SIK2: variants seen among roughly 807,000 people sequenced by gnomAD.
SIK2 encodes the protein serine/threonine-protein kinase SIK2.
In SIK2, 29 loss-of-function variants were observed where a neutral mutation model predicts 103.2. The observed-to-expected ratio is 0.28, with a 90% CI of 0.21 to 0.38. The LOEUF is 0.38. SIK2 is among the 10% of genes least tolerant of loss of function. SIK2 has a pLI of 1.00. For missense variants in SIK2, 879 were observed against 1,171.0 expected, an observed-to-expected ratio of 0.75 and a Z score of 3.64; for synonymous variants, 412 against 446.1, an observed-to-expected ratio of 0.92 and a Z score of 0.96.
At position 111,729,611 on chromosome 11, in the gene SIK2, T is replaced by G. The variant is rs369880592; in HGVS notation, c.*5482T>G. The G allele has an allele frequency of 2.3e-4, 35 of 152,420 alleles. No homozygotes were observed. In the East Asian group the frequency reaches 5.8e-3, roughly 25 times the overall value. 9.4% of individuals were successfully genotyped at this position (152,420 alleles called of 1,614,324 possible). On this transcript the variant is annotated 3_prime_UTR_variant, in exon 15 of 15. Transcript: ENST00000304987. ...GCTTCTAGTGCTGGAAGAAGCCCTC[T>G]CTTTCCCTTCTCTTTCCTCAGTAGC...
At chr11:111,670,687 A>G (rs1942613222) in intron 3 of SIK2, among the ~76,000 whole-genome samples, 1 of 152,260 alleles carries the variant, frequency 6.6e-6, no homozygotes, top group Non-Finnish European at 1.5e-5. Context: ...AATCAAAATT[A>G]TAAAAGAATC....
intron 4 of SIK2, among the ~76,000 whole-genome samples, chr11:111,693,043 C>T: frequency 6.6e-6 from 1 of 152,068 alleles, no homozygotes; most frequent in East Asian, 1.9e-4. Context: ...TGGGTAAAAA[C>T]TTGAGACAGG....
chr11:111,651,699 C>T (rs997619356), intron 3 of SIK2, among the ~76,000 whole-genome samples: 1 of 151,532 alleles, frequency 6.6e-6, no homozygotes, highest in Non-Finnish European at 1.5e-5. Flanking sequence ...TATGCTTACA[C>T]TTGATGTGTA....
At chr11:111,626,710 CA>C (rs33939540) in intron 3 of SIK2, among the ~76,000 whole-genome samples, 5 of 147,690 alleles carry the variant, frequency 3.4e-5, no homozygotes, top group Admixed American at 6.7e-5. Context: ...CCATTAACTA[CA>C]AAAAAAAAAA....
rs1944031385 is a variant in SIK2 at position 111,727,972 on chromosome 11, G to A, written c.*3843G>A. On this transcript the variant is annotated 3_prime_UTR_variant, in exon 15 of 15. Transcript: ENST00000304987. ...AACCTGTATCAACAGTCACATTTAAGCTCCCTATTGGTTTAAAGAAAATTC... is the reference window on the plus strand; with the variant it reads ...AACCTGTATCAACAGTCACATTTAAACTCCCTATTGGTTTAAAGAAAATTC... The A allele has an allele frequency of 6.6e-6, 1 of 152,150 alleles. No individual in the cohort carries two copies. The highest frequency in any genetic ancestry group is 1.5e-5 in the Non-Finnish European group (1 of 68,040). The allele number at this position is 152,150 out of a possible 1,614,324, so 9.4% of individuals were successfully genotyped here. A position where few individuals can be genotyped will look rare whatever the true frequency, so the allele number is the denominator to read the frequency against.
At chr11:111,711,801 G>A (rs1424374923) in intron 8 of SIK2, among the ~76,000 whole-genome samples, 1 of 152,170 alleles carries the variant, frequency 6.6e-6, no homozygotes, top group Non-Finnish European at 1.5e-5. Context: ...TTGTGGGTGT[G>A]TATATATCTG....
chr11:111,704,310 G>GTA (rs914261314), intron 7 of SIK2, among the ~76,000 whole-genome samples: 2 of 152,218 alleles, frequency 1.3e-5, no homozygotes, highest in Non-Finnish European at 2.9e-5. Context: ...CATGCCGACT[G>GTA]TCAGGTGGAA....
intron 3 of SIK2, among the ~76,000 whole-genome samples, chr11:111,642,425 C>G (rs1942194965): frequency 6.6e-6 from 1 of 152,150 alleles, no homozygotes; most frequent in Admixed American, 6.5e-5. Context: ...AAACAGTTTA[C>G]TTACATGCAC....
chr11:111,676,920 T>C (rs1418912379), intron 3 of SIK2, among the ~76,000 whole-genome samples: 1 of 152,224 alleles, frequency 6.6e-6, no homozygotes, highest in Non-Finnish European at 1.5e-5. Flanking sequence ...GTAACCAGAT[T>C]GCATTTATAA....
At chr11:111,614,085 AT>A (rs5794759) in intron 1 of SIK2, among the ~76,000 whole-genome samples, 230 of 137,582 alleles carry the variant, frequency 1.7e-3, no homozygotes, top group African/African-American at 3.5e-3. Context: ...CTCTCCCCCC[AT>A]TTTTTTTTTT....
At position 111,723,627 on chromosome 11, in the gene SIK2, C is replaced by T. The variant is rs148424859; in HGVS notation, c.2279C>T (p.Pro760Leu). The T allele has an allele frequency of 1.2e-5, 20 of 1,613,756 alleles. No homozygotes were observed. The highest frequency in any genetic ancestry group is 1.7e-4 in the Middle Eastern group (1 of 6,060). ...CCCCTTCCCCGCCAGGAGACTCCAC[C>T]GCCTTCTCAGCAGGCCCCACCGTTC... is the stretch of plus-strand genomic sequence containing the variant. ...QLPLPRQETP[P>L]PSQQAPPFSL... The change falls in exon 15 of 15, where the codon CCG becomes CTG. Residue 760 changes from proline (P) to leucine (L), a missense_variant. Around this residue, in one of 7 missense-constraint regions of SIK2, gnomAD observed 375 missense variants for 416.3 expected, o/e 0.90. Transcript: ENST00000304987.
chr11:111,612,936 ATATATATATATT>A (rs1457569576), intron 1 of SIK2, among the ~76,000 whole-genome samples: 129 of 83,380 alleles, frequency 1.5e-3, no homozygotes, highest in African/African-American at 4.1e-3. Context: ...ATATATATAT[ATATATATATATT>A]TATGATCATA....
intron 3 of SIK2, among the ~76,000 whole-genome samples, chr11:111,668,754 A>G (rs192347143): frequency 3.1e-4 from 47 of 152,358 alleles, no homozygotes; most frequent in Admixed American, 2.6e-3. Context: ...ACAGAGATGC[A>G]AAGATAAAAG....
chr11:111,617,411 G>A (rs1016338528), intron 2 of SIK2, among the ~76,000 whole-genome samples: 1 of 152,122 alleles, frequency 6.6e-6, no homozygotes, highest in African/African-American at 2.4e-5. Context: ...CCATTATCCT[G>A]GCCCATGACT....
chr11:111,627,552 C>T (rs1941977174), intron 3 of SIK2, among the ~76,000 whole-genome samples: 2 of 152,120 alleles, frequency 1.3e-5, no homozygotes, highest in African/African-American at 2.4e-5. Context: ...TAGAACACAG[C>T]CCCTGCAGAT....
At chr11:111,671,845 C>G in intron 3 of SIK2, 1 of 406,516 alleles carries the variant, frequency 2.5e-6, no homozygotes, top group South Asian at 2.0e-5. Context: ...TGATCTCATC[C>G]TCCTACTTTT....
intron 4 of SIK2, among the ~76,000 whole-genome samples, chr11:111,699,806 A>T (rs116710620): frequency 6.6e-6 from 1 of 152,200 alleles, no homozygotes; most frequent in South Asian, 2.1e-4. Flanking sequence ...TTTTCACTTT[A>T]CAGATGGGGA....
chr11:111,661,875 C>G (rs1942472437), intron 3 of SIK2, among the ~76,000 whole-genome samples: 1 of 152,212 alleles, frequency 6.6e-6, no homozygotes, highest in Admixed American at 6.5e-5. Context: ...TTCAGTTTAC[C>G]TCCCACCAGG....
chr11:111,623,348 C>T (rs1324113829), intron 3 of SIK2, among the ~76,000 whole-genome samples: 1 of 152,070 alleles, frequency 6.6e-6, no homozygotes, highest in Non-Finnish European at 1.5e-5. Flanking sequence ...TCTGTCAGTT[C>T]TAGGTTGGTT....
Sources: allele counts gnomAD v4.1 joint callset (sites outside exome capture counted in the v4.1 genomes callset), GRCh38; gene constraint gnomAD v4.1.1; regional missense constraint gnomAD v4.1.1; transcripts MANE v1.5; gene names NCBI Gene and HGNC (gene_info 2026-07-23, HGNC 2026-07-21).